The following CLEC16A variants were observed in gnomAD, a reference collection of about 807,000 sequenced individuals.
CLEC16A encodes the protein protein CLEC16A.
In CLEC16A, 51 loss-of-function variants were observed where a neutral mutation model predicts 109.5. That is an observed-to-expected ratio of 0.47 (90% CI 0.37 to 0.59). CLEC16A has a LOEUF of 0.59. CLEC16A is among the 20% of genes least tolerant of loss of function. The probability of loss-of-function intolerance (pLI) is 0.00; values close to 1 mark genes in which losing one functional copy is unlikely to be tolerated. For synonymous variants in CLEC16A, 673 were observed against 564.2 expected, an observed-to-expected ratio of 1.19 and a Z score of -2.73; for missense variants, 1,339 against 1,394.0, an observed-to-expected ratio of 0.96 and a Z score of 0.63.
Position 11,045,221 on chromosome 16 carries a change from G to A in CLEC16A, c.1815+1149G>A, listed in dbSNP as rs148128451. Among the ~76,000 whole-genome samples, 629 of 152,160 alleles carry A rather than the reference G, an allele frequency of 4.1e-3. 4 individuals are homozygous for A. The highest frequency in any genetic ancestry group is 0.02 in the Middle Eastern group (6 of 294). On this transcript the variant is annotated intron_variant, in intron 16 of 23. Transcript: ENST00000409790. ...AAATTAGCCTGGCATGGTGGCAGGC[G>A]CCTGTAGTCCCAGCTCCTCGGGAGG...
At chr16:11,099,522 G>GT (rs1328181968) in intron 19 of CLEC16A, among the ~76,000 whole-genome samples, 9 of 152,236 alleles carry the variant, frequency 5.9e-5, no homozygotes. Flanking sequence ...CAGCATGGTC[G>GT]TAGGACATTT....
intron 3 of CLEC16A, among the ~76,000 whole-genome samples, chr16:10,963,371 A>C (rs975250975): frequency 1.2e-4 from 19 of 152,224 alleles, no homozygotes; most frequent in African/African-American, 4.3e-4. Flanking sequence ...GACATAGTTC[A>C]GTCCCTAAGC....
chr16:11,062,152 AGGG>A (rs2048516586), intron 19 of CLEC16A, among the ~76,000 whole-genome samples: 2 of 137,562 alleles, frequency 1.5e-5, no homozygotes, highest in African/African-American at 5.7e-5. Context: ...GGAGGGAGGG[AGGG>A]CCAGTTCCTT....
chr16:10,998,634 T>C (rs1351806281), intron 10 of CLEC16A, among the ~76,000 whole-genome samples: 1 of 152,190 alleles, frequency 6.6e-6, no homozygotes, highest in Non-Finnish European at 1.5e-5. Context: ...AAAGTTTGGC[T>C]TTTTTTCCCC....
At chr16:11,141,762 G>A (rs1041825838) in intron 22 of CLEC16A, among the ~76,000 whole-genome samples, 1 of 152,220 alleles carries the variant, frequency 6.6e-6, no homozygotes, top group South Asian at 2.1e-4. Flanking sequence ...GATGGCGGTG[G>A]GGACAGCGTG....
chr16:10,993,555 A>C (rs761660299), intron 10 of CLEC16A, among the ~76,000 whole-genome samples: 1 of 152,208 alleles, frequency 6.6e-6, no homozygotes, highest in Non-Finnish European at 1.5e-5. Context: ...CACTGTTTCT[A>C]TTCCAAGTCT....
At chr16:11,067,204 T>G (rs2048819148) in intron 19 of CLEC16A, among the ~76,000 whole-genome samples, 1 of 148,862 alleles carries the variant, frequency 6.7e-6, no homozygotes, top group African/African-American at 2.5e-5. Flanking sequence ...TTTTTTTTTT[T>G]TTTTTTAAAA....
chr16:11,144,113 C>G (rs1050668825), intron 22 of CLEC16A, among the ~76,000 whole-genome samples: 74 of 152,302 alleles, frequency 4.9e-4, no homozygotes, highest in African/African-American at 1.7e-3. Context: ...GGCACTTTCT[C>G]AGAATACTAC....
At chr16:11,122,454 A>G (rs148583886) in intron 20 of CLEC16A, among the ~76,000 whole-genome samples, 9 of 152,242 alleles carry the variant, frequency 5.9e-5, no homozygotes, top group Non-Finnish European at 8.8e-5. Context: ...TGTGTCTTCC[A>G]TCAGACAATG....
At chr16:11,104,585 A>G (rs2051109172) in intron 19 of CLEC16A, among the ~76,000 whole-genome samples, 1 of 152,138 alleles carries the variant, frequency 6.6e-6, no homozygotes, top group Non-Finnish European at 1.5e-5. Context: ...AGGGAAAGAG[A>G]AGATGTAGCC....
At chr16:11,156,751 C>A in intron 22 of CLEC16A, 1 of 1,000,536 alleles carries the variant, frequency 1.0e-6, no homozygotes, top group Non-Finnish European at 1.4e-6. Context: ...CAAGCCCAGC[C>A]CTGGCGACCT....
intron 10 of CLEC16A, among the ~76,000 whole-genome samples, chr16:10,998,714 A>G (rs1330758338): frequency 2.6e-5 from 4 of 151,794 alleles, no homozygotes; most frequent in Admixed American, 2.6e-4. Flanking sequence ...ACAGCCTGGT[A>G]CAAACATTCA....
In CLEC16A at chr16:11,123,915, G is replaced by C. The variant is rs1392236093; in HGVS notation, c.2442G>C (p.Gln814His). The C allele has an allele frequency of 2.5e-6, 4 of 1,613,330 alleles. No homozygotes were observed. The highest frequency in any genetic ancestry group is 3.3e-5 in the Admixed American group (2 of 59,964). The change falls in exon 21 of 24, where the codon CAG (glutamine) becomes CAC (histidine). Residue 814 changes from glutamine (Q) to histidine (H), a missense_variant. Coordinates refer to ENST00000409790, the MANE Select transcript of CLEC16A (RefSeq NM_015226.3). ...AGCGCCTGGCCAAAGGCCGCATCCA[G>C]GCAAGGCGCATGAAGATGCAGAGAA... ...AKQRLAKGRI[Q>H]ARRMKMQRIA...
rs200724654 is a variant in CLEC16A at position 11,178,401 on chromosome 16, C to T, written c.2873C>T (p.Thr958Met). The T allele has an allele frequency of 1.6e-5, 26 of 1,613,726 alleles. No individual in the cohort carries two copies. In the African/African-American group the frequency reaches 2.8e-4, roughly 17 times the overall value. ...GACCAGTTGGTAATCGTCAACGAAA[C>T]GGAAGCAGACTCTAAGCCCAGCAAG... ...LPDQLVIVNE[T>M]EADSKPSKNV... Residue 958 changes from threonine to methionine, a missense_variant, in exon 24 of 24, where the codon ACG (threonine) becomes ATG (methionine). Thr to Met is a moderately conservative substitution (Grantham distance 81, BLOSUM62 -1). Coordinates refer to ENST00000409790, the MANE Select transcript of CLEC16A (RefSeq NM_015226.3). This position sits in a 1 kb window ranked among gnomAD's most constrained non-coding sequence, Gnocchi z 6.5.
At chr16:11,138,129 C>G (rs1193544969) in intron 22 of CLEC16A, among the ~76,000 whole-genome samples, 1 of 152,162 alleles carries the variant, frequency 6.6e-6, no homozygotes, top group South Asian at 2.1e-4. Context: ...AGTGACATGA[C>G]AAACATGTTG....
chr16:10,951,328 A>G (rs751390057), intron 1 of CLEC16A, among the ~76,000 whole-genome samples: 1 of 152,180 alleles, frequency 6.6e-6, no homozygotes, highest in Non-Finnish European at 1.5e-5. Context: ...AGCCTTTTAT[A>G]AGGACTTTCC....
At chr16:11,149,200 C>T (rs375962999) in intron 22 of CLEC16A, among the ~76,000 whole-genome samples, 2 of 151,986 alleles carry the variant, frequency 1.3e-5, no homozygotes, top group African/African-American at 2.4e-5. Context: ...AGGCAGGCAG[C>T]GGGACTTGAC....
intron 13 of CLEC16A, among the ~76,000 whole-genome samples, chr16:11,030,276 G>C (rs1180452572): frequency 6.6e-6 from 1 of 152,168 alleles, no homozygotes; most frequent in East Asian, 1.9e-4. Flanking sequence ...GGAATGGAAT[G>C]GCTGAATCAT....
chr16:11,120,978 C>A (rs771949902), intron 20 of CLEC16A, among the ~76,000 whole-genome samples: 1 of 152,124 alleles, frequency 6.6e-6, no homozygotes, highest in African/African-American at 2.4e-5. Flanking sequence ...CCAAAACGCT[C>A]GATTCTTACA....
Sources: gnomAD v4.1 joint callset for allele counts (sites outside exome capture counted in the v4.1 genomes callset) on GRCh38, gnomAD v4.1.1 for gene constraint, Gnocchi (gnomAD v3.1) non-coding constraint, MANE v1.5 for transcripts, NCBI Gene and HGNC (gene_info 2026-07-23, HGNC 2026-07-21) for gene names.